RAB10: variants seen among roughly 807,000 people sequenced by gnomAD.
RAB10 encodes the protein ras-related protein Rab-10.
Under a neutral mutation model 25.7 loss-of-function variants are expected in RAB10, and 5 were observed. The observed-to-expected ratio is 0.19, with a 90% CI of 0.10 to 0.41. The LOEUF is 0.41. RAB10 is among the 10% of genes least tolerant of loss of function. The probability of loss-of-function intolerance (pLI) is 1.00; values close to 1 mark genes in which losing one functional copy is unlikely to be tolerated. For synonymous variants in RAB10, 89 were observed against 86.4 expected, an observed-to-expected ratio of 1.03 and a Z score of -0.16; for missense variants, 103 against 245.8, an observed-to-expected ratio of 0.42 and a Z score of 3.89.
At chr2:26,112,483 A>G (rs2149284754) in intron 3 of RAB10, among the ~76,000 whole-genome samples, 1 of 152,342 alleles carries the variant, frequency 6.6e-6, no homozygotes, top group East Asian at 1.9e-4. Context: ...GAGGTCAGTG[A>G]CAGGAACTGG....
intron 1 of RAB10, among the ~76,000 whole-genome samples, chr2:26,087,297 G>T (rs1667007947): frequency 6.6e-6 from 1 of 152,226 alleles, no homozygotes; most frequent in Non-Finnish European, 1.5e-5. Flanking sequence ...GTACTCTCAG[G>T]ATTTTTATGA....
chr2:26,098,098 T>C (rs1296000543), intron 1 of RAB10, among the ~76,000 whole-genome samples: 2 of 135,502 alleles, frequency 1.5e-5, no homozygotes, highest in East Asian at 2.4e-4. Context: ...TTTTTCTTTC[T>C]TTCTTTCTTT....
At position 26,034,481 on chromosome 2, in the gene RAB10, G is replaced by C. The variant is rs1008320861; in HGVS notation, c.-128G>C. On this transcript the variant is annotated 5_prime_UTR_variant, in exon 1 of 6. Transcript: ENST00000264710. ...AAGCTGTTCGTAGGTCGCCCGCGCC[G>C]TCTCGAGCCTTTTTCCCACGCTTCC... 2 of 1,316,620 alleles carry C rather than the reference G, an allele frequency of 1.5e-6. No homozygotes were observed. Among genetic ancestry groups the C allele is most frequent in the Non-Finnish European group, 2.1e-6 (2 of 966,728 alleles). 81.6% of individuals were successfully genotyped at this position (1,316,620 alleles called of 1,614,324 possible). A position where few individuals can be genotyped will look rare whatever the true frequency, so the allele number is the denominator to read the frequency against.
At chr2:26,049,389 T>C (rs1168485127) in intron 1 of RAB10, among the ~76,000 whole-genome samples, 2 of 151,808 alleles carry the variant, frequency 1.3e-5, no homozygotes, top group African/African-American at 4.8e-5. Context: ...TACACTGCGC[T>C]TTCTGAAAGT....
chr2:26,106,983 C>T lies in RAB10; in HGVS notation c.189-2785C>T, dbSNP rs371727080. Among the ~76,000 whole-genome samples the T allele has an allele frequency of 1.7e-4, 26 of 152,110 alleles. No homozygotes were observed. The Middle Eastern group carries it at 0.01, about 60-fold the overall frequency. On this transcript the variant is annotated intron_variant, in intron 2 of 5. Transcript: ENST00000264710. ...TGAAGAGGCTGGGTGTGGTGGCTCACGCCTGTAACCCCAGCACTTTGGGAA... is the reference window on the plus strand; with the variant it reads ...TGAAGAGGCTGGGTGTGGTGGCTCATGCCTGTAACCCCAGCACTTTGGGAA...
chr2:26,121,955 A>G (rs1403990978), intron 3 of RAB10, among the ~76,000 whole-genome samples: 1 of 152,170 alleles, frequency 6.6e-6, no homozygotes, highest in African/African-American at 2.4e-5. Flanking sequence ...CCATATTGCA[A>G]TCAAAAGAGG....
chr2:26,111,682 G>A (rs979140975), intron 3 of RAB10, among the ~76,000 whole-genome samples: 1 of 151,964 alleles, frequency 6.6e-6, no homozygotes. Flanking sequence ...TTATTGTTCA[G>A]GTAAGTAGTC....
At chr2:26,070,081 A>G (rs910609192) in intron 1 of RAB10, among the ~76,000 whole-genome samples, 1 of 152,182 alleles carries the variant, frequency 6.6e-6, no homozygotes, top group African/African-American at 2.4e-5. Flanking sequence ...TTCACTCTGC[A>G]TTGTGTTATA....
intron 1 of RAB10, among the ~76,000 whole-genome samples, chr2:26,085,531 A>G (rs1266226267): frequency 6.6e-6 from 1 of 151,562 alleles, no homozygotes; most frequent in Non-Finnish European, 1.5e-5. Context: ...CAGCACTTTC[A>G]GGTCACCAGC....
chr2:26,127,796 C>A, intron 4 of RAB10, 54 bp from the exon 5 acceptor site: 2 of 1,289,368 alleles, frequency 1.6e-6, no homozygotes, highest in Non-Finnish European at 2.3e-6. Flanking sequence ...TTAAAGTCAG[C>A]AGTTGGCAAC....
chr2:26,107,873 A>G (rs889287024), intron 2 of RAB10, among the ~76,000 whole-genome samples: 1 of 152,090 alleles, frequency 6.6e-6, no homozygotes, highest in African/African-American at 2.4e-5. Context: ...ACATTTCACC[A>G]AAGAGGACAT....
At chr2:26,100,701 T>A (rs897829104) in intron 2 of RAB10, among the ~76,000 whole-genome samples, 5 of 152,286 alleles carry the variant, frequency 3.3e-5, no homozygotes, top group African/African-American at 1.2e-4. Context: ...CATAATGAAG[T>A]TATTCCTTAC....
chr2:26,118,849 A>G (rs773519949), intron 3 of RAB10, among the ~76,000 whole-genome samples: 15 of 152,196 alleles, frequency 9.9e-5, no homozygotes, highest in Non-Finnish European at 1.6e-4. Flanking sequence ...TCATAGAGAT[A>G]TGTGTCCTCC....
intron 1 of RAB10, among the ~76,000 whole-genome samples, chr2:26,083,462 C>G (rs1337632253): frequency 8.1e-6 from 1 of 122,992 alleles, no homozygotes; most frequent in South Asian, 3.0e-4. Context: ...CCCCTCCTTT[C>G]TCCTTTCCTT....
intron 2 of RAB10, among the ~76,000 whole-genome samples, chr2:26,103,827 CATATA>C (rs1344244985): frequency 1.3e-5 from 2 of 152,058 alleles, no homozygotes; most frequent in African/African-American, 4.8e-5. Flanking sequence ...TAGATGGAAT[CATATA>C]ATATATGGTC....
At chr2:26,131,758 A>C (rs1440480201) in intron 5 of RAB10, among the ~76,000 whole-genome samples, 2 of 151,964 alleles carry the variant, frequency 1.3e-5, no homozygotes, top group African/African-American at 4.8e-5. Context: ...CCACCCCCAC[A>C]ACCTTTTCTT....
Position 26,092,493 on chromosome 2 carries a change from T to G in RAB10, c.128-6169T>G, listed in dbSNP as rs374304528. On this transcript the variant is annotated intron_variant, in intron 1 of 5. Coordinates refer to ENST00000264710, the MANE Select transcript of RAB10 (RefSeq NM_016131.5). ...GAGGAAGGATCCTTAACCTCCAAAT[T>G]TAAAAGGTTTAGTAATAGAACCTAG... 1.8e-4 allele frequency among the ~76,000 whole-genome samples: 28 copies of G among 152,166 alleles called. No individual in the cohort carries two copies. In the East Asian group the frequency reaches 2.3e-3, roughly 13 times the overall value.
chr2:26,122,445 G>T (rs553006250), intron 3 of RAB10, among the ~76,000 whole-genome samples: 10 of 152,184 alleles, frequency 6.6e-5, no homozygotes, highest in Non-Finnish European at 1.5e-4. Flanking sequence ...TGGCTAACAC[G>T]TTGAAACCCC....
intron 1 of RAB10, among the ~76,000 whole-genome samples, chr2:26,080,812 G>C (rs933770771): frequency 1.3e-5 from 2 of 152,130 alleles, no homozygotes; most frequent in South Asian, 4.1e-4. Context: ...TAATTACCAA[G>C]TGGAAGACAG....
Sources: gnomAD v4.1 joint callset for allele counts (sites outside exome capture counted in the v4.1 genomes callset) on GRCh38, gnomAD v4.1.1 for gene constraint, MANE v1.5 for transcripts, NCBI Gene and HGNC (gene_info 2026-07-23, HGNC 2026-07-21) for gene names.